GPC5: variants seen among roughly 807,000 people sequenced by gnomAD.
The protein encoded by GPC5 is glypican-5.
GPC5 carries 47 observed loss-of-function variants against 53.9 expected under a neutral mutation model. The ratio of observed to expected loss-of-function variants is 0.87; its 90% CI spans 0.69 to 1.11. The LOEUF is 1.11. Ranked by LOEUF, GPC5 falls within the 50% of genes most tolerant of loss-of-function variation. The pLI, the probability that GPC5 is intolerant of heterozygous loss-of-function variation, is 0.00. For missense variants in GPC5, 748 were observed against 713.1 expected (o/e 1.05, Z -0.56); for synonymous variants, 286 against 263.3 (o/e 1.09, Z -0.84).
chr13:92,613,997 G>A lies in GPC5; in HGVS notation c.1562-252285G>A, dbSNP rs542615831. On this transcript the variant is annotated intron_variant, in intron 7 of 7. Coordinates refer to ENST00000377067, the MANE Select transcript of GPC5 (RefSeq NM_004466.6). ...ATGCCTAGAATTTAAGACTGAATGG[G>A]AAAAGAAGGAATGAAGCCAGAAAAT... 2.0e-5 allele frequency among the ~76,000 whole-genome samples: 3 copies of A among 152,152 alleles called. No homozygotes were observed. The South Asian group carries it at 6.2e-4, about 32-fold the overall frequency.
At chr13:91,514,137 G>A (rs1885376405) in intron 2 of GPC5, among the ~76,000 whole-genome samples, 1 of 152,164 alleles carries the variant, frequency 6.6e-6, no homozygotes, top group Non-Finnish European at 1.5e-5. Flanking sequence ...ATGAATATAA[G>A]CTTTCATTTC....
intron 7 of GPC5, among the ~76,000 whole-genome samples, chr13:92,825,996 G>A (rs1034607307): frequency 2.0e-5 from 3 of 152,072 alleles, no homozygotes; most frequent in African/African-American, 7.2e-5. Flanking sequence ...AGTGCTTCCA[G>A]CATCTTGCCA....
At chr13:91,757,767 G>A (rs985044005) in intron 5 of GPC5, among the ~76,000 whole-genome samples, 2 of 152,006 alleles carry the variant, frequency 1.3e-5, no homozygotes, top group African/African-American at 4.8e-5. Context: ...CTATGAAAAT[G>A]GACTAATACA....
intron 7 of GPC5, among the ~76,000 whole-genome samples, chr13:92,270,871 C>A (rs1019183893): frequency 3.5e-4 from 54 of 152,258 alleles, no homozygotes; most frequent in Non-Finnish European, 6.8e-4. Flanking sequence ...CCTTGGATCT[C>A]TTCTATGCTT....
chr13:92,316,395 T>C (rs1465371549), intron 7 of GPC5, among the ~76,000 whole-genome samples: 1 of 152,158 alleles, frequency 6.6e-6, no homozygotes, highest in East Asian at 1.9e-4. Context: ...TGCATCAATT[T>C]CTTTAGCTTC....
Position 92,192,697 on chromosome 13 carries a change from C to G in GPC5, c.1561+47708C>G, listed in dbSNP as rs753973881. Reference sequence around the variant, plus strand: ...GCTGACAAGGGAATAATTTAAAAAGCTTTCATTTTAGATTAATTTTATGTC... The same window carrying G: ...GCTGACAAGGGAATAATTTAAAAAGGTTTCATTTTAGATTAATTTTATGTC... On this transcript the variant is annotated intron_variant, in intron 7 of 7. Transcript: ENST00000377067. Among the ~76,000 whole-genome samples, 8 of 152,154 alleles carry G rather than the reference C, an allele frequency of 5.3e-5. No individual in the cohort carries two copies. In the South Asian group the frequency reaches 8.3e-4, roughly 16 times the overall value.
chr13:91,628,975 G>C lies in GPC5; in HGVS notation c.326-64212G>C, dbSNP rs549543967. The stretch of plus-strand genomic sequence containing the variant: ...GATGATGGGCTCAAGTGCATTTCTA[G>C]CATCTAAAGTGGAGATAATGACATA... On this transcript the variant is annotated intron_variant, in intron 2 of 7. Transcript: ENST00000377067. 5.9e-5 allele frequency among the ~76,000 whole-genome samples: 9 copies of C among 152,262 alleles called. No individual in the cohort carries two copies. In the South Asian group the frequency reaches 1.9e-3, roughly 32 times the overall value.
chr13:92,704,618 AATG>A (rs1385424343), intron 7 of GPC5, among the ~76,000 whole-genome samples: 1 of 151,936 alleles, frequency 6.6e-6, no homozygotes, highest in Non-Finnish European at 1.5e-5. Flanking sequence ...AAATATTACA[AATG>A]ATGACCTATT....
chr13:92,607,464 G>T (rs1225022847), intron 7 of GPC5, among the ~76,000 whole-genome samples: 1 of 150,824 alleles, frequency 6.6e-6, no homozygotes, highest in Admixed American at 6.6e-5. Flanking sequence ...AATGGAAAAC[G>T]ACAGAAAAAA....
chr13:92,816,052 G>A (rs1184983108), intron 7 of GPC5, among the ~76,000 whole-genome samples: 1 of 151,828 alleles, frequency 6.6e-6, no homozygotes, highest in Non-Finnish European at 1.5e-5. Context: ...GCCCATGAAG[G>A]GTATTTAAAG....
intron 6 of GPC5, among the ~76,000 whole-genome samples, chr13:92,080,945 G>A (rs2041290140): frequency 6.6e-6 from 1 of 152,062 alleles, no homozygotes; most frequent in Non-Finnish European, 1.5e-5. Context: ...ACTTATCTTT[G>A]CAGGAAAATT....
intron 6 of GPC5, among the ~76,000 whole-genome samples, chr13:91,943,126 C>T (rs2139048019): frequency 6.6e-6 from 1 of 152,100 alleles, no homozygotes; most frequent in East Asian, 1.9e-4. Flanking sequence ...TAATATTGAA[C>T]TCAAGACAAT....
At chr13:92,355,052 A>G (rs967778355) in intron 7 of GPC5, among the ~76,000 whole-genome samples, 4 of 151,102 alleles carry the variant, frequency 2.6e-5, no homozygotes, top group South Asian at 2.1e-4. Context: ...GCAGATTAGC[A>G]TAATATTTAA....
intron 5 of GPC5, among the ~76,000 whole-genome samples, chr13:91,805,724 T>G (rs1022823778): frequency 2.0e-5 from 3 of 152,200 alleles, no homozygotes; most frequent in Admixed American, 2.0e-4. Flanking sequence ...AAATCTGACC[T>G]GGACATACTT....
In GPC5 at chr13:92,272,104, TCTAAA is replaced by T. The variant is rs569106027; in HGVS notation, c.1561+127119_1561+127123del. 3.4e-4 allele frequency among the ~76,000 whole-genome samples: 52 copies of T among 152,322 alleles called. No homozygotes were observed. In the Middle Eastern group the frequency reaches 0.01, roughly 30 times the overall value. On this transcript the variant is annotated intron_variant, in intron 7 of 7. Coordinates refer to ENST00000377067, the MANE Select transcript of GPC5 (RefSeq NM_004466.6). ...GATGGCAGGGATGGGCACCTGCATC[TCTAAA>T]CTAGTTAGTAAGTTTCCTAACATGT...
intron 6 of GPC5, among the ~76,000 whole-genome samples, chr13:91,971,600 T>G (rs1412156330): frequency 1.3e-5 from 2 of 152,058 alleles, no homozygotes; most frequent in Non-Finnish European, 2.9e-5. Flanking sequence ...CTTGTGGGCA[T>G]TTAGTGCTAT....
intron 2 of GPC5, among the ~76,000 whole-genome samples, chr13:91,555,394 G>C (rs1000717616): frequency 6.6e-6 from 1 of 151,966 alleles, no homozygotes; most frequent in Non-Finnish European, 1.5e-5. Context: ...AATTTTGTAA[G>C]AGCATCTGGT....
chr13:92,077,046 A>G (rs2041257810), intron 6 of GPC5, among the ~76,000 whole-genome samples: 1 of 152,184 alleles, frequency 6.6e-6, no homozygotes, highest in African/African-American at 2.4e-5. Context: ...CCAATTGTCA[A>G]TTGGAAAATG....
chr13:92,700,332 G>GTCTT (rs1022050599), intron 7 of GPC5, among the ~76,000 whole-genome samples: 3 of 137,354 alleles, frequency 2.2e-5, no homozygotes, highest in African/African-American at 8.1e-5. Context: ...GCCTATGTGT[G>GTCTT]TCTTTGCACA....
Sources: gnomAD v4.1 joint callset for allele counts (sites outside exome capture counted in the v4.1 genomes callset) on GRCh38, gnomAD v4.1.1 for gene constraint, MANE v1.5 for transcripts, NCBI Gene and HGNC (gene_info 2026-07-23, HGNC 2026-07-21) for gene names.